The following FGF12 variants were observed in gnomAD, a reference collection of about 807,000 sequenced individuals.
FGF12 encodes fibroblast growth factor 12B.
A neutral mutation model predicts 23.6 loss-of-function variants in FGF12; 14 were observed. That is an observed-to-expected ratio of 0.59 (90% CI 0.39 to 0.93). The LOEUF is 0.93. FGF12 is among the 40% of genes least tolerant of loss of function. The pLI is 0.00. For missense variants in FGF12, 175 were observed against 217.8 expected, an observed-to-expected ratio of 0.80 and a Z score of 1.24; for synonymous variants, 62 against 77.3, an observed-to-expected ratio of 0.80 and a Z score of 1.04.
intron 2 of FGF12, among the ~76,000 whole-genome samples, chr3:192,370,044 C>T (rs915042067): frequency 6.6e-6 from 1 of 152,140 alleles, no homozygotes; most frequent in Non-Finnish European, 1.5e-5. Flanking sequence ...GATGCATGTG[C>T]TTAGCATGTG....
chr3:192,362,165 G>A (rs1718759075), intron 2 of FGF12, among the ~76,000 whole-genome samples: 1 of 152,046 alleles, frequency 6.6e-6, no homozygotes, highest in South Asian at 2.1e-4. Context: ...TCCTCCATAG[G>A]CTCATCTAAT....
intron 2 of FGF12, among the ~76,000 whole-genome samples, chr3:192,530,687 G>A (rs576838175): frequency 5.8e-4 from 89 of 152,302 alleles, no homozygotes; most frequent in African/African-American, 1.9e-3. Context: ...TAATGGGCAT[G>A]GAGTTTTTTT....
chr3:192,245,414 G>A (rs936026946), intron 4 of FGF12, among the ~76,000 whole-genome samples: 11 of 152,036 alleles, frequency 7.2e-5, no homozygotes, highest in Admixed American at 2.6e-4. Context: ...CCCCATGCCC[G>A]GCCAAGGACT....
At chr3:192,268,039 A>T (rs951844431) in intron 4 of FGF12, among the ~76,000 whole-genome samples, 1 of 152,208 alleles carries the variant, frequency 6.6e-6, no homozygotes, top group Non-Finnish European at 1.5e-5. Flanking sequence ...TCTCAGATTT[A>T]AAGATAAAGC....
chr3:192,478,077 C>T (rs1723375908), intron 2 of FGF12, among the ~76,000 whole-genome samples: 1 of 152,148 alleles, frequency 6.6e-6, no homozygotes, highest in African/African-American at 2.4e-5. Flanking sequence ...CCTTGGTAGG[C>T]ATTAGGCCTA....
chr3:192,326,634 A>G (rs1716834388), intron 4 of FGF12, among the ~76,000 whole-genome samples: 1 of 152,192 alleles, frequency 6.6e-6, no homozygotes, highest in Admixed American at 6.5e-5. Context: ...TCTCTCTTTC[A>G]TTTTTGTTGT....
At chr3:192,519,338 G>A (rs1278369851) in intron 2 of FGF12, among the ~76,000 whole-genome samples, 2 of 152,164 alleles carry the variant, frequency 1.3e-5, no homozygotes, top group Non-Finnish European at 2.9e-5. Flanking sequence ...TTTGCGGAAT[G>A]TCTTTCAATT....
intron 4 of FGF12, among the ~76,000 whole-genome samples, chr3:192,333,250 G>A (rs1382349793): frequency 6.6e-6 from 1 of 151,996 alleles, no homozygotes; most frequent in Non-Finnish European, 1.5e-5. Flanking sequence ...GACCTTTGGG[G>A]ATCAATTCTA....
At chr3:192,437,148 A>G (rs1472005989) in intron 2 of FGF12, among the ~76,000 whole-genome samples, 1 of 152,122 alleles carries the variant, frequency 6.6e-6, no homozygotes, top group Admixed American at 6.6e-5. Flanking sequence ...AGCAGGGAGA[A>G]CTCTGGGAAA....
intron 4 of FGF12, among the ~76,000 whole-genome samples, chr3:192,208,843 C>G (rs1036664564): frequency 6.6e-6 from 1 of 152,178 alleles, no homozygotes; most frequent in Non-Finnish European, 1.5e-5. Context: ...TGAGAGGTAT[C>G]TAACTTAGCT....
intron 2 of FGF12, among the ~76,000 whole-genome samples, chr3:192,490,100 T>C (rs561906790): frequency 8.5e-5 from 13 of 152,192 alleles, no homozygotes; most frequent in African/African-American, 3.1e-4. Flanking sequence ...TAACTTACAG[T>C]GGAATACTTT....
At chr3:192,507,355 A>G (rs1724343466) in intron 2 of FGF12, among the ~76,000 whole-genome samples, 1 of 151,086 alleles carries the variant, frequency 6.6e-6, no homozygotes, top group Non-Finnish European at 1.5e-5. Context: ...ACACACACAC[A>G]CACACACACA....
At chr3:192,568,339 C>T (rs1238185207) in intron 2 of FGF12, among the ~76,000 whole-genome samples, 1 of 152,140 alleles carries the variant, frequency 6.6e-6, no homozygotes, top group East Asian at 1.9e-4. Context: ...GTACTTCCTC[C>T]TGCCAGTGGG....
chr3:192,571,087 A>ACGG (rs755363377), intron 2 of FGF12, among the ~76,000 whole-genome samples: 1 of 151,746 alleles, frequency 6.6e-6, no homozygotes, highest in Non-Finnish European at 1.5e-5. Context: ...GTTGGGGGGA[A>ACGG]AAAACAAACC....
intron 4 of FGF12, among the ~76,000 whole-genome samples, chr3:192,221,190 T>C (rs1452161323): frequency 6.6e-6 from 1 of 152,178 alleles, no homozygotes; most frequent in Non-Finnish European, 1.5e-5. Context: ...CCTTTTCTGT[T>C]TGACAAAGCC....
intron 2 of FGF12, among the ~76,000 whole-genome samples, chr3:192,664,351 C>T (rs965967038): frequency 8.6e-5 from 13 of 151,986 alleles, no homozygotes; most frequent in Non-Finnish European, 1.2e-4. Flanking sequence ...AAACTCCTCC[C>T]CAGAGTTGTT....
intron 2 of FGF12, among the ~76,000 whole-genome samples, chr3:192,389,958 C>T (rs1456528613): frequency 6.6e-6 from 1 of 152,118 alleles, no homozygotes; most frequent in African/African-American, 2.4e-5. Context: ...CTATGGTAAC[C>T]CAGGTATATA....
At chr3:192,458,723 A>G (rs1178649911) in intron 2 of FGF12, among the ~76,000 whole-genome samples, 2 of 152,110 alleles carry the variant, frequency 1.3e-5, no homozygotes, top group Non-Finnish European at 2.9e-5. Context: ...TGCTGAAATG[A>G]GTTAAGACTT....
chr3:192,233,392 T>A (rs1719125360), intron 4 of FGF12, among the ~76,000 whole-genome samples: 1 of 152,178 alleles, frequency 6.6e-6, no homozygotes, highest in Non-Finnish European at 1.5e-5. Flanking sequence ...TATTTTTTAA[T>A]GGGGTTGTTT....
Sources: gnomAD v4.1 joint callset for allele counts (sites outside exome capture counted in the v4.1 genomes callset) on GRCh38, gnomAD v4.1.1 for gene constraint, MANE v1.5 for transcripts, NCBI Gene and HGNC (gene_info 2026-07-23, HGNC 2026-07-21) for gene names.